The following FAM3C variants were observed in gnomAD, a reference collection of about 807,000 sequenced individuals.
The protein encoded by FAM3C is FAM3 metabolism regulating signaling molecule C, also known as protein FAM3C.
FAM3C carries 15 observed loss-of-function variants against 32.5 expected under a neutral mutation model. The observed-to-expected ratio is 0.46, with a 90% CI of 0.31 to 0.71. The LOEUF (loss-of-function observed/expected upper bound fraction) is 0.71. Ranked by LOEUF, FAM3C falls within the 30% of genes least tolerant of loss-of-function variation. The probability of loss-of-function intolerance (pLI) is 0.05; values close to 1 mark genes in which losing one functional copy is unlikely to be tolerated. For synonymous variants in FAM3C, 75 were observed against 86.1 expected, an observed-to-expected ratio of 0.87 and a Z score of 0.72; for missense variants, 175 against 274.4, an observed-to-expected ratio of 0.64 and a Z score of 2.56.
chr7:121,378,303 A>G (rs1432387896), intron 3 of FAM3C, among the ~76,000 whole-genome samples: 32 of 152,066 alleles, frequency 2.1e-4, no homozygotes, highest in Admixed American at 2.1e-3. Flanking sequence ...AAATAAGGAT[A>G]AGAAAGCACC....
chr7:121,385,239 A>G (rs950625901), intron 1 of FAM3C, among the ~76,000 whole-genome samples: 6 of 152,192 alleles, frequency 3.9e-5, no homozygotes, highest in Non-Finnish European at 8.8e-5. Flanking sequence ...AATGAGTCAC[A>G]GAAGGATATT....
rs371833259 is a variant in FAM3C, at chr7:121,362,882, G to A, written c.382+15C>T. 4.1e-6 allele frequency: 6 copies of A among 1,469,306 alleles called. No individual in the cohort carries two copies. The highest frequency in any genetic ancestry group is 5.7e-6 in the Non-Finnish European group (6 of 1,052,726). 91.0% of individuals were successfully genotyped at this position (1,469,306 alleles called of 1,614,324 possible). ...AGTGCCAGCAAAAGAACACAGTCAT[G>A]TTATTTATGCTTACCTCCTCCCCAC... On this transcript the variant is annotated intron_variant, in intron 7 of 9. Coordinates refer to ENST00000359943, the MANE Select transcript of FAM3C (RefSeq NM_014888.3).
At chr7:121,378,604 A>AT (rs1794286894) in intron 3 of FAM3C, among the ~76,000 whole-genome samples, 1 of 152,196 alleles carries the variant, frequency 6.6e-6, no homozygotes, top group South Asian at 2.1e-4. Flanking sequence ...CAGGAAAACA[A>AT]TTTAAGCCTG....
intron 8 of FAM3C, 59 bp downstream of exon 8, chr7:121,359,984 A>G: frequency 1.1e-6 from 1 of 897,072 alleles, no homozygotes; most frequent in Non-Finnish European, 1.8e-6. Context: ...TTTAATGAAA[A>G]TGTATTGCTT....
At chr7:121,369,688 T>C (rs1794103001) in intron 5 of FAM3C, among the ~76,000 whole-genome samples, 1 of 152,182 alleles carries the variant, frequency 6.6e-6, no homozygotes, top group Non-Finnish European at 1.5e-5. Context: ...TGTTCAACAT[T>C]AGGCTGAGGG....
chr7:121,351,051 T>C, intron 9 of FAM3C, 92 bp downstream of exon 9: 1 of 1,145,894 alleles, frequency 8.7e-7, no homozygotes. Context: ...ACTATCCGCT[T>C]TATCTAATTT....
intron 8 of FAM3C, among the ~76,000 whole-genome samples, chr7:121,352,503 A>G (rs1394958345): frequency 1.3e-5 from 2 of 152,204 alleles, no homozygotes; most frequent in African/African-American, 4.8e-5. Flanking sequence ...TGGAGCATTT[A>G]GCCTTTCAGA....
chr7:121,353,788 G>GT lies in FAM3C; in HGVS notation c.468-2520dup, dbSNP rs142294816. On this transcript the variant is annotated intron_variant, in intron 8 of 9. Coordinates refer to ENST00000359943, the MANE Select transcript of FAM3C (RefSeq NM_014888.3). ...TTGCTGGAAGAATTAAGCATGTCCT[G>GT]TTTGACTCCACTTGGGAGAAGACTC... Among the ~76,000 whole-genome samples, 78 of 152,278 alleles carry GT rather than the reference G, an allele frequency of 5.1e-4. 1 individual carries two copies. The East Asian group carries it at 0.014, about 28-fold the overall frequency.
intron 1 of FAM3C, among the ~76,000 whole-genome samples, chr7:121,395,177 A>G (rs1182316956): frequency 1.3e-5 from 2 of 152,080 alleles, no homozygotes; most frequent in Non-Finnish European, 2.9e-5. Context: ...GGATACATAC[A>G]TATATATGGA....
At chr7:121,390,853 C>CGGGGGGGGG (rs58750532) in intron 1 of FAM3C, among the ~76,000 whole-genome samples, 2 of 7,460 alleles carry the variant, frequency 2.7e-4, no homozygotes, top group African/African-American at 5.0e-4. Flanking sequence ...CTGTGTGGGG[C>CGGGGGGGGG]GGGGGGGGGG....
chr7:121,390,418 T>G (rs369504536), intron 1 of FAM3C, among the ~76,000 whole-genome samples: 2 of 152,330 alleles, frequency 1.3e-5, no homozygotes, highest in East Asian at 1.9e-4. Context: ...GGAACTTAGT[T>G]TATAGTTTAA....
At position 121,365,028 on chromosome 7, in the gene FAM3C, G is replaced by GT. The variant is rs557653112; in HGVS notation, c.273-841dup. Among the ~76,000 whole-genome samples, 111 of 152,186 alleles carry GT rather than the reference G, an allele frequency of 7.3e-4. 1 individual carries two copies. In the South Asian group the frequency reaches 0.018, roughly 25 times the overall value. On this transcript the variant is annotated intron_variant, in intron 5 of 9. Transcript: ENST00000359943. ...GCAATATGCACATATGTGACTACAC[G>GT]TGCACACACTTGTCCTTATATAGAC...
intron 1 of FAM3C, among the ~76,000 whole-genome samples, chr7:121,393,105 A>G (rs1298057867): frequency 1.3e-5 from 2 of 152,162 alleles, no homozygotes; most frequent in Non-Finnish European, 2.9e-5. Flanking sequence ...GGGTGATGAA[A>G]ATGTTTTAGA....
At chr7:121,372,860 T>C (rs1167012085) in intron 3 of FAM3C, among the ~76,000 whole-genome samples, 1 of 152,218 alleles carries the variant, frequency 6.6e-6, no homozygotes, top group African/African-American at 2.4e-5. Context: ...TTGCTATAAA[T>C]AGTCACACAG....
At chr7:121,376,070 C>CCCAT (rs1400784960) in intron 3 of FAM3C, among the ~76,000 whole-genome samples, 1 of 152,144 alleles carries the variant, frequency 6.6e-6, no homozygotes, top group East Asian at 1.9e-4. Context: ...TGGTTTCCAC[C>CCCAT]CCATCATTCA....
intron 1 of FAM3C, among the ~76,000 whole-genome samples, chr7:121,389,202 T>C (rs1794528936): frequency 2.0e-5 from 3 of 152,080 alleles, no homozygotes; most frequent in Non-Finnish European, 1.5e-5. Flanking sequence ...AGAACATAAG[T>C]ATTCCAACAT....
At chr7:121,377,120 A>G (rs1470494573) in intron 3 of FAM3C, among the ~76,000 whole-genome samples, 1 of 152,154 alleles carries the variant, frequency 6.6e-6, no homozygotes. Flanking sequence ...TTCTCATGAT[A>G]GTGAGTTCTC....
chr7:121,371,483 C>T (rs1237762056), intron 4 of FAM3C, 60 bp from the exon 5 acceptor site: 2 of 1,547,006 alleles, frequency 1.3e-6, no homozygotes, highest in Non-Finnish European at 1.8e-6. Flanking sequence ...CTTTACCTCA[C>T]TTTACTTCAA....
chr7:121,383,006 T>C lies in FAM3C; in HGVS notation c.-37A>G, dbSNP rs774123663. ...CAGTTTATGGCACTTTTCATTAATA[T>C]GCTCCTAAAAAATCAAAACAAAAAG... On this transcript the variant is annotated 5_prime_UTR_variant, in exon 2 of 10. Coordinates refer to ENST00000359943, the MANE Select transcript of FAM3C (RefSeq NM_014888.3). The C allele has an allele frequency of 6.4e-7, 1 of 1,571,778 alleles. No homozygotes were observed. The highest frequency in any genetic ancestry group is 1.1e-5 in the South Asian group (1 of 88,468).
Sources: allele counts gnomAD v4.1 joint callset (sites outside exome capture counted in the v4.1 genomes callset), GRCh38; gene constraint gnomAD v4.1.1; transcripts MANE v1.5; gene names NCBI Gene and HGNC (gene_info 2026-07-23, HGNC 2026-07-21).